Variants in DAB1 observed in about 807,000 individuals in gnomAD.
The protein encoded by DAB1 is DAB adaptor protein 1.
A neutral mutation model predicts 64.6 loss-of-function variants in DAB1; 15 were observed. The ratio of observed to expected loss-of-function variants is 0.23; its 90% CI spans 0.16 to 0.36. The LOEUF (loss-of-function observed/expected upper bound fraction) is 0.36. Ranked by LOEUF, DAB1 falls within the 10% of genes least tolerant of loss-of-function variation. The probability of loss-of-function intolerance (pLI) is 1.00; values close to 1 mark genes in which losing one functional copy is unlikely to be tolerated. For synonymous variants in DAB1, 235 were observed against 251.9 expected (o/e 0.93, Z 0.64); for missense variants, 596 against 706.7 (o/e 0.84, Z 1.78).
chr1:57,511,986 C>G (rs1285064883), intron 7 of DAB1, among the ~76,000 whole-genome samples: 1 of 152,134 alleles, frequency 6.6e-6, no homozygotes, highest in Non-Finnish European at 1.5e-5. Flanking sequence ...GATACAGTGT[C>G]AAGTGTTTTA....
At chr1:58,286,932 T>C (rs1661698621) in intron 4 of DAB1, among the ~76,000 whole-genome samples, 1 of 152,192 alleles carries the variant, frequency 6.6e-6, no homozygotes, top group African/African-American at 2.4e-5. Context: ...TGCCCATCAA[T>C]GATAGAATGG....
chr1:57,023,451 C>T (rs1557567867), intron 11 of DAB1, 80 bp downstream of exon 11: 13 of 797,334 alleles, frequency 1.6e-5, no homozygotes, highest in Middle Eastern at 2.4e-4. Flanking sequence ...TATCATCATT[C>T]GGTGGCTGGC....
intron 5 of DAB1, among the ~76,000 whole-genome samples, chr1:58,068,910 G>A (rs576132771): frequency 1.9e-4 from 29 of 152,158 alleles, no homozygotes; most frequent in African/African-American, 6.7e-4. Context: ...TGTCACTTAC[G>A]CTTGGTGTGA....
intron 2 of DAB1, among the ~76,000 whole-genome samples, chr1:58,518,214 G>A (rs1393484746): frequency 2.7e-4 from 1 of 3,770 alleles, no homozygotes; most frequent in Non-Finnish European, 8.5e-4. Context: ...GGAGAGGGGA[G>A]AGGGGAGAGG....
At chr1:58,135,523 T>C (rs1458418148) in intron 5 of DAB1, among the ~76,000 whole-genome samples, 1 of 152,192 alleles carries the variant, frequency 6.6e-6, no homozygotes, top group African/African-American at 2.4e-5. Context: ...CATTTTATTT[T>C]ACCTTTATTT....
intron 5 of DAB1, among the ~76,000 whole-genome samples, chr1:58,050,610 A>G (rs931019699): frequency 6.6e-6 from 1 of 151,996 alleles, no homozygotes; most frequent in Non-Finnish European, 1.5e-5. Context: ...GCTCACTGCA[A>G]GCTCCACCTC....
chr1:57,439,434 T>TTTTTTTG (rs1558381571), intron 7 of DAB1, among the ~76,000 whole-genome samples: 1 of 133,370 alleles, frequency 7.5e-6, no homozygotes, highest in East Asian at 2.3e-4. Flanking sequence ...TCTTTTTTTT[T>TTTTTTTG]TTTTTTTTTT....
intron 4 of DAB1, among the ~76,000 whole-genome samples, chr1:58,267,570 T>C (rs1270207834): frequency 6.6e-6 from 1 of 152,182 alleles, no homozygotes; most frequent in African/African-American, 2.4e-5. Flanking sequence ...CCTACTGTGA[T>C]AGAGGAGTCA....
At chr1:58,269,349 A>G (rs1266663957) in intron 4 of DAB1, among the ~76,000 whole-genome samples, 1 of 150,774 alleles carries the variant, frequency 6.6e-6, no homozygotes, top group South Asian at 2.1e-4. Context: ...TGAACTCATC[A>G]TTTTTTATGG....
chr1:57,711,256 T>C (rs1479411730), intron 6 of DAB1, among the ~76,000 whole-genome samples: 1 of 152,204 alleles, frequency 6.6e-6, no homozygotes, highest in Non-Finnish European at 1.5e-5. Context: ...GGCCTAAGCC[T>C]AGAAATGAGC....
intron 3 of DAB1, chr1:58,481,281 TA>T (rs1180804987): frequency 1.1e-4 from 46 of 428,024 alleles, no homozygotes; most frequent in Middle Eastern, 6.2e-4. Flanking sequence ...AATGTATTGT[TA>T]TTTTTTTAAT....
chr1:57,872,617 G>T (rs1643972218), intron 1 of DAB1, among the ~76,000 whole-genome samples: 1 of 152,156 alleles, frequency 6.6e-6, no homozygotes, highest in Non-Finnish European at 1.5e-5. Context: ...TCTTCAAGGG[G>T]TCCGCAGTCC....
At chr1:57,839,409 T>C (rs947684135) in intron 1 of DAB1, among the ~76,000 whole-genome samples, 37 of 152,360 alleles carry the variant, frequency 2.4e-4, no homozygotes, top group African/African-American at 8.9e-4. Context: ...CTCTGATTTT[T>C]CACCTCCATT....
At chr1:58,149,134 T>C (rs1654779275) in intron 5 of DAB1, among the ~76,000 whole-genome samples, 1 of 152,210 alleles carries the variant, frequency 6.6e-6, no homozygotes, top group Non-Finnish European at 1.5e-5. Context: ...TAGTACTTCT[T>C]ACTAAAAGTT....
chr1:58,268,889 G>A (rs1416985069), intron 4 of DAB1, among the ~76,000 whole-genome samples: 2 of 152,138 alleles, frequency 1.3e-5, no homozygotes, highest in African/African-American at 2.4e-5. Context: ...AATCAAAACA[G>A]TGCAGCACTG....
intron 1 of DAB1, among the ~76,000 whole-genome samples, chr1:57,358,907 C>A (rs1450003000): frequency 6.6e-6 from 1 of 151,930 alleles, no homozygotes; most frequent in Non-Finnish European, 1.5e-5. Flanking sequence ...AACTGGATAT[C>A]CTCATGCAGA....
chr1:57,641,390 T>TTGTTTTTTG (rs1558567755), intron 7 of DAB1, among the ~76,000 whole-genome samples: 2 of 141,564 alleles, frequency 1.4e-5, no homozygotes, highest in African/African-American at 5.2e-5. Flanking sequence ...TTTTTTTTTT[T>TTGTTTTTTG]TTTTTTTTTT....
upstream of DAB1, among the ~76,000 whole-genome samples, chr1:57,888,765 AAATT>A (rs1472450343): frequency 1.3e-5 from 2 of 152,228 alleles, no homozygotes; most frequent in East Asian, 3.8e-4. Context: ...ACAAATGAGA[AAATT>A]AATCTGCATC....
chr1:58,052,386 T>C (rs1647734408), intron 5 of DAB1, among the ~76,000 whole-genome samples: 1 of 152,210 alleles, frequency 6.6e-6, no homozygotes, highest in African/African-American at 2.4e-5. Context: ...AGTCCTCCGT[T>C]CTGTTCCATT....
Sources: allele counts gnomAD v4.1 joint callset (sites outside exome capture counted in the v4.1 genomes callset), GRCh38; gene constraint gnomAD v4.1.1; transcripts MANE v1.5; gene names NCBI Gene and HGNC (gene_info 2026-07-23, HGNC 2026-07-21).